MIPEP: variants seen among roughly 807,000 people sequenced by gnomAD.
MIPEP encodes mitochondrial intermediate peptidase.
A neutral mutation model predicts 90.3 loss-of-function variants in MIPEP; 79 were observed. The observed-to-expected ratio is 0.87, with a 90% CI of 0.73 to 1.05. MIPEP has a LOEUF of 1.05. Ranked by LOEUF, MIPEP falls within the 50% of genes least tolerant of loss-of-function variation. The pLI, the probability that MIPEP is intolerant of heterozygous loss-of-function variation, is 0.00. For synonymous variants in MIPEP, 334 were observed against 315.8 expected, an observed-to-expected ratio of 1.06 and a Z score of -0.61; for missense variants, 940 against 905.6, an observed-to-expected ratio of 1.04 and a Z score of -0.49.
chr13:23,871,141 T>C (rs1870787687), intron 5 of MIPEP, among the ~76,000 whole-genome samples: 1 of 152,246 alleles, frequency 6.6e-6, no homozygotes, highest in South Asian at 2.1e-4. Context: ...TTCTACTCTG[T>C]GTCCCTGCCA....
chr13:23,754,688 T>C (rs1239759804), intron 18 of MIPEP, among the ~76,000 whole-genome samples: 1 of 152,210 alleles, frequency 6.6e-6, no homozygotes, highest in Non-Finnish European at 1.5e-5. Flanking sequence ...CAGCAAATGT[T>C]GAGGTGTAGC....
chr13:23,788,208 C>G (rs1229300356), intron 16 of MIPEP, among the ~76,000 whole-genome samples: 1 of 152,198 alleles, frequency 6.6e-6, no homozygotes, highest in Non-Finnish European at 1.5e-5. Flanking sequence ...CAAAATCACA[C>G]TATGTATACT....
chr13:23,881,187 A>G (rs1871256713), intron 3 of MIPEP, among the ~76,000 whole-genome samples: 1 of 152,140 alleles, frequency 6.6e-6, no homozygotes, highest in Non-Finnish European at 1.5e-5. Flanking sequence ...CCCTAATTCC[A>G]ACTCAACAGG....
rs1398334764 is a variant in MIPEP at position 23,836,106 on chromosome 13, A to T, written c.1653+134T>A. 2.6e-5 allele frequency: 14 copies of T among 544,792 alleles called. No homozygotes were observed. The South Asian group carries it at 4.9e-4, about 19-fold the overall frequency. 33.7% of individuals were successfully genotyped at this position (544,792 alleles called of 1,614,324 possible). On this transcript the variant is annotated intron_variant, in intron 14 of 18. Coordinates refer to ENST00000382172, the MANE Select transcript of MIPEP (RefSeq NM_005932.4). Reference sequence around the variant, plus strand: ...AAAGAAAAGATAGGGAATCAGGAAAAAAAGAAGCAATAAAAGGTTTGTTAC... The same window carrying T: ...AAAGAAAAGATAGGGAATCAGGAAATAAAGAAGCAATAAAAGGTTTGTTAC...
chr13:23,734,233 C>T (rs1037975684), intron 18 of MIPEP, among the ~76,000 whole-genome samples: 4 of 152,170 alleles, frequency 2.6e-5, no homozygotes, highest in South Asian at 2.1e-4. Context: ...TCAGCTTTGG[C>T]GCCCTCCTCC....
Position 23,886,210 on chromosome 13 carries a change from TCA to T in MIPEP, c.363+121_363+122del, listed in dbSNP as rs940492359. ...CATAAAAAATTATACCCAATGGATC[TCA>T]GTTTCAGACATTTTTAACTTTATAA... On this transcript the variant is annotated intron_variant, in intron 2 of 18. Transcript: ENST00000382172. 9.6e-5 allele frequency: 68 copies of T among 706,116 alleles called. No homozygotes were observed. The African/African-American group carries it at 1.1e-3, about 12-fold the overall frequency. The allele number at this position is 706,116 out of a possible 1,614,324, so 43.7% of individuals were successfully genotyped here. A position where few individuals can be genotyped will look rare whatever the true frequency, so the allele number is the denominator to read the frequency against.
chr13:23,847,741 T>A (rs1297770154), intron 10 of MIPEP, among the ~76,000 whole-genome samples: 1 of 152,174 alleles, frequency 6.6e-6, no homozygotes, highest in Non-Finnish European at 1.5e-5. Flanking sequence ...ATAAGAGATA[T>A]CTTAGCAGGT....
chr13:23,776,582 A>T (rs1244859189), intron 16 of MIPEP, among the ~76,000 whole-genome samples: 1 of 152,210 alleles, frequency 6.6e-6, no homozygotes, highest in Admixed American at 6.5e-5. Context: ...CATTCAAATG[A>T]ATTAACACAC....
At chr13:23,797,653 C>T (rs1952977955) in intron 16 of MIPEP, among the ~76,000 whole-genome samples, 3 of 152,124 alleles carry the variant, frequency 2.0e-5, no homozygotes, top group African/African-American at 4.8e-5. Context: ...TGCTGATGCA[C>T]AACAAATAGG....
chr13:23,806,975 TG>T (rs1953118126), intron 15 of MIPEP, among the ~76,000 whole-genome samples: 1 of 152,090 alleles, frequency 6.6e-6, no homozygotes, highest in Non-Finnish European at 1.5e-5. Context: ...TGAGTATAGA[TG>T]TATCGAAGAA....
chr13:23,889,056 C>T (rs1238547364), intron 1 of MIPEP, 76 bp downstream of exon 1: 4 of 1,277,610 alleles, frequency 3.1e-6, no homozygotes, highest in East Asian at 6.3e-5. Flanking sequence ...CAATCTCGCC[C>T]TGATTGTTGC....
At position 23,806,007 on chromosome 13, in the gene MIPEP, T is replaced by C. The variant is rs1953102612; in HGVS notation, c.1791A>G (p.Thr597=). ...TCTCTTGTGTTTCCTTGAGAATGTC[T>C]GTGGTTGAATTCCTCAGGGGATGCT... ...HGKHPLRNST[T]DILKETQEKF... Residue 597 remains threonine (T), a synonymous_variant, in exon 16 of 19, where the codon ACA becomes ACG. Coordinates refer to ENST00000382172, the MANE Select transcript of MIPEP (RefSeq NM_005932.4). The C allele has an allele frequency of 1.2e-6, 2 of 1,613,936 alleles. No homozygotes were observed. Among genetic ancestry groups the C allele is most frequent in the Middle Eastern group, 1.7e-4 (1 of 6,060 alleles).
intron 18 of MIPEP, among the ~76,000 whole-genome samples, chr13:23,733,279 A>AT (rs138813725): frequency 0.2 from 30,789 of 152,170 alleles, 4,123 homozygotes; most frequent in Middle Eastern, 0.31. Flanking sequence ...AACTTAACAG[A>AT]TTGGGCCTTT....
intron 2 of MIPEP, among the ~76,000 whole-genome samples, chr13:23,886,025 T>C (rs1164864848): frequency 2.6e-4 from 40 of 151,756 alleles, no homozygotes; most frequent in Non-Finnish European, 1.3e-4. Context: ...AATGAATATA[T>C]ATGTAAATAT....
rs187946081 is a variant in MIPEP at position 23,787,935 on chromosome 13, T to A, written c.1848+18015A>T. Among the ~76,000 whole-genome samples, 169 of 152,314 alleles carry A rather than the reference T, an allele frequency of 1.1e-3. 1 individual carries two copies. The highest frequency in any genetic ancestry group is 3.9e-3 in the African/African-American group (163 of 41,566). On this transcript the variant is annotated intron_variant, in intron 16 of 18. Transcript: ENST00000382172. ...CTCTTCAGGTAAAAAAGGGTCCCTA[T>A]GATTACTATCATTTCCATGAGCGTG...
intron 2 of MIPEP, among the ~76,000 whole-genome samples, chr13:23,886,003 G>T (rs1219547675): frequency 6.6e-6 from 1 of 150,786 alleles, no homozygotes; most frequent in African/African-American, 2.4e-5. Context: ...CATAAATGAA[G>T]AATCTCTGTC....
At chr13:23,818,828 G>T (rs116279613) in intron 14 of MIPEP, among the ~76,000 whole-genome samples, 1 of 152,116 alleles carries the variant, frequency 6.6e-6, no homozygotes, top group African/African-American at 2.4e-5. Flanking sequence ...ATGTAACAGC[G>T]GAGAGGGAAA....
At chr13:23,865,989 C>T (rs1157034561) in intron 7 of MIPEP, among the ~76,000 whole-genome samples, 1 of 152,010 alleles carries the variant, frequency 6.6e-6, no homozygotes, top group African/African-American at 2.4e-5. Flanking sequence ...TTAGTGTCCC[C>T]AGAGAATTGT....
chr13:23,889,192 C>G lies in MIPEP; in HGVS notation c.129G>C (p.Val43=). ...ARRVSTSWSP[V]GAAFNVKPQG... ...GGGGCTTGACATTGAAGGCGGCGCC[C>G]ACGGGAGACCAGCTGGTGCTGACCC... The change falls in exon 1 of 19, where the codon GTG becomes GTC. Residue 43 remains valine (V), a synonymous_variant. Transcript: ENST00000382172. 6.8e-7 allele frequency: 1 copy of G among 1,466,352 alleles called. No homozygotes were observed. Among genetic ancestry groups the G allele is most frequent in the Non-Finnish European group, 9.0e-7 (1 of 1,110,788 alleles). 90.8% of individuals were successfully genotyped at this position (1,466,352 alleles called of 1,614,324 possible).
Sources: gnomAD v4.1 joint callset for allele counts (sites outside exome capture counted in the v4.1 genomes callset) on GRCh38, gnomAD v4.1.1 for gene constraint, MANE v1.5 for transcripts, NCBI Gene and HGNC (gene_info 2026-07-23, HGNC 2026-07-21) for gene names.